Variants in THAP12 observed in about 807,000 individuals in gnomAD.
THAP12 encodes the protein 52 kDa repressor of the inhibitor of the protein kinase.
THAP12 carries 20 observed loss-of-function variants against 63.0 expected under a neutral mutation model. The observed-to-expected ratio is 0.32, with a 90% CI of 0.22 to 0.46. The LOEUF (loss-of-function observed/expected upper bound fraction) is 0.46. Among genes scored for constraint, THAP12 ranks in the 20% least tolerant of loss-of-function variants. The pLI, the probability that THAP12 is intolerant of heterozygous loss-of-function variation, is 1.00. For synonymous variants in THAP12, 264 were observed against 328.4 expected (o/e 0.80, Z 2.12); for missense variants, 568 against 908.2 (o/e 0.63, Z 4.81).
chr11:76,359,737 G>A (rs955225498), intron 3 of THAP12, among the ~76,000 whole-genome samples: 1 of 151,596 alleles, frequency 6.6e-6, no homozygotes, highest in Non-Finnish European at 1.5e-5. Context: ...TGAGGCAGGA[G>A]AATTGCTGGA....
intron 1 of THAP12, among the ~76,000 whole-genome samples, chr11:76,369,355 C>G (rs541779777): frequency 1.3e-5 from 2 of 152,330 alleles, no homozygotes; most frequent in East Asian, 3.9e-4. Flanking sequence ...TATCTACAAT[C>G]TCACAAACGT....
At chr11:76,374,312 A>G (rs1013352009) in intron 1 of THAP12, among the ~76,000 whole-genome samples, 1 of 152,082 alleles carries the variant, frequency 6.6e-6, no homozygotes, top group Non-Finnish European at 1.5e-5. Flanking sequence ...CTGTAAAACC[A>G]TAAATTGGTC....
rs1388734804 is a variant in THAP12 at position 76,380,569 on chromosome 11, G to A, written c.89+179C>T. 4.6e-5 allele frequency among the ~76,000 whole-genome samples: 7 copies of A among 152,224 alleles called. No homozygotes were observed. The East Asian group carries it at 1.4e-3, about 30-fold the overall frequency. On this transcript the variant is annotated intron_variant, in intron 1 of 4. Coordinates refer to ENST00000260045, the MANE Select transcript of THAP12 (RefSeq NM_004705.4). ...CGTGCTCCGAGGTCCCCGGACGCCC[G>A]CCCGCCCACGGCTCGGGGCCGGCTC...
chr11:76,376,997 C>T (rs1338785134), intron 1 of THAP12, among the ~76,000 whole-genome samples: 1 of 152,144 alleles, frequency 6.6e-6, no homozygotes, highest in Non-Finnish European at 1.5e-5. Flanking sequence ...CTCCTCTGTT[C>T]CCAACTGCTA....
At chr11:76,369,843 A>T (rs919377555) in intron 1 of THAP12, among the ~76,000 whole-genome samples, 1 of 152,286 alleles carries the variant, frequency 6.6e-6, no homozygotes. Flanking sequence ...AAGACGGAGC[A>T]TAGGGAAGCC....
chr11:76,376,624 GT>G (rs11300199), intron 1 of THAP12, among the ~76,000 whole-genome samples: 21,032 of 130,788 alleles, frequency 0.16, 1,586 homozygotes, highest in South Asian at 0.23. Context: ...TGTTTTTTTT[GT>G]TTTTTTTTTT....
rs760442635 is a variant in THAP12 at position 76,351,119 on chromosome 11, C to T, written c.2031G>A (p.Val677=). 1.2e-6 allele frequency: 2 copies of T among 1,610,512 alleles called. No individual in the cohort carries two copies. Among genetic ancestry groups the T allele is most frequent in the Non-Finnish European group, 1.7e-6 (2 of 1,179,380 alleles). ...TACACAGGACCTTCAGCAATGCATA[C>T]ACATTAGGAAAAAACTTGATGTCAG... The part of the protein sequence containing the change: ...HLPDIKFFPN[V]YALLKVLCIL... The change falls in exon 5 of 5, where the codon GTG becomes GTA. Residue 677 remains valine, a synonymous_variant. Transcript: ENST00000260045.
intron 2 of THAP12, among the ~76,000 whole-genome samples, chr11:76,365,639 G>A (rs1326995094): frequency 1.3e-5 from 2 of 152,078 alleles, no homozygotes; most frequent in African/African-American, 2.4e-5. Flanking sequence ...TTCCTGCCTC[G>A]GCCTCCCAAA....
intron 1 of THAP12, among the ~76,000 whole-genome samples, chr11:76,369,268 T>C (rs1946653764): frequency 6.6e-6 from 1 of 152,220 alleles, no homozygotes; most frequent in African/African-American, 2.4e-5. Flanking sequence ...GAAGTAACTT[T>C]GCCCATCAAC....
intron 1 of THAP12, among the ~76,000 whole-genome samples, chr11:76,378,595 ATTCT>A (rs1234687819): frequency 1.3e-5 from 2 of 150,606 alleles, no homozygotes; most frequent in Non-Finnish European, 3.0e-5. Context: ...AAAGACATCT[ATTCT>A]TTTTTTTTTT....
At chr11:76,356,672 A>G (rs1946563290) in intron 3 of THAP12, 1 of 152,214 alleles carries the variant, frequency 6.6e-6, no homozygotes, top group South Asian at 2.1e-4. Flanking sequence ...AACTATTTAC[A>G]TAGCATTTAC....
intron 1 of THAP12, among the ~76,000 whole-genome samples, chr11:76,377,327 A>G (rs1372117851): frequency 6.6e-6 from 1 of 152,230 alleles, no homozygotes; most frequent in African/African-American, 2.4e-5. Flanking sequence ...ATGTTCTGCA[A>G]CCATCACCAC....
At chr11:76,376,782 C>A (rs992435407) in intron 1 of THAP12, among the ~76,000 whole-genome samples, 9 of 150,180 alleles carry the variant, frequency 6.0e-5, no homozygotes, top group African/African-American at 2.0e-4. Context: ...AACTGTAAAC[C>A]CCTATAGACT....
At chr11:76,363,670 C>T (rs541972672) in intron 2 of THAP12, among the ~76,000 whole-genome samples, 2 of 152,340 alleles carry the variant, frequency 1.3e-5, no homozygotes, top group Non-Finnish European at 2.9e-5. Context: ...CTCACTGCAA[C>T]CTCGGCCTCC....
chr11:76,353,731 G>A (rs749076661), intron 4 of THAP12, among the ~76,000 whole-genome samples: 25 of 152,214 alleles, frequency 1.6e-4, no homozygotes, highest in Non-Finnish European at 2.2e-4. Context: ...GACTAGGGCC[G>A]GGGGTGCAGT....
At chr11:76,362,003 C>G (rs1214894534) in intron 2 of THAP12, among the ~76,000 whole-genome samples, 2 of 152,150 alleles carry the variant, frequency 1.3e-5, no homozygotes, top group Admixed American at 1.3e-4. Flanking sequence ...AAAGAATGAT[C>G]ATACTCTACC....
intron 1 of THAP12, among the ~76,000 whole-genome samples, chr11:76,366,409 C>T (rs1486309849): frequency 1.3e-5 from 2 of 152,210 alleles, no homozygotes; most frequent in African/African-American, 4.8e-5. Context: ...TTAGGCCGGG[C>T]GTGTTGTCAC....
In THAP12 at chr11:76,366,445, G is replaced by T. The variant is rs557926848; in HGVS notation, c.90-473C>A. Among the ~76,000 whole-genome samples the T allele has an allele frequency of 7.2e-5, 11 of 152,324 alleles. No homozygotes were observed. The South Asian group carries it at 2.3e-3, about 32-fold the overall frequency. ...GCCTGTAATCCCAGCACTTTGGGAG[G>T]CCAAGGCAGGCAGATCAGGAGGTCA... On this transcript the variant is annotated intron_variant, in intron 1 of 4. Transcript: ENST00000260045.
At chr11:76,377,949 A>T (rs1946723034) in intron 1 of THAP12, among the ~76,000 whole-genome samples, 1 of 152,192 alleles carries the variant, frequency 6.6e-6, no homozygotes, top group South Asian at 2.1e-4. Flanking sequence ...CTGAATTGTA[A>T]GAGTTCTTTA....
Sources: gnomAD v4.1 joint callset for allele counts (sites outside exome capture counted in the v4.1 genomes callset) on GRCh38, gnomAD v4.1.1 for gene constraint, MANE v1.5 for transcripts, NCBI Gene and HGNC (gene_info 2026-07-23, HGNC 2026-07-21) for gene names.